The following DCLK1 variants were observed in gnomAD, a reference collection of about 807,000 sequenced individuals.
DCLK1 encodes doublecortin like kinase 1.
A neutral mutation model predicts 86.2 loss-of-function variants in DCLK1; 16 were observed. That is an observed-to-expected ratio of 0.19 (90% CI 0.13 to 0.28). DCLK1 has a LOEUF of 0.28. Ranked by LOEUF, DCLK1 falls within the 10% of genes least tolerant of loss-of-function variation. The probability of loss-of-function intolerance (pLI) is 1.00; values close to 1 mark genes in which losing one functional copy is unlikely to be tolerated. For synonymous variants in DCLK1, 369 were observed against 370.5 expected (o/e 1.00, Z 0.05); for missense variants, 590 against 940.2 (o/e 0.63, Z 4.87).
intron 16 of DCLK1, among the ~76,000 whole-genome samples, chr13:35,782,814 C>G (rs918526028): frequency 6.6e-6 from 1 of 152,222 alleles, no homozygotes; most frequent in Admixed American, 6.5e-5. Context: ...TTAATTTAGA[C>G]ATATTTTCCC....
chr13:35,982,251 G>A (rs1055311566), intron 3 of DCLK1, among the ~76,000 whole-genome samples: 4 of 151,894 alleles, frequency 2.6e-5, no homozygotes, highest in East Asian at 1.9e-4. Flanking sequence ...CTGGTGGCAC[G>A]TGCCTGTAAT....
intron 4 of DCLK1, among the ~76,000 whole-genome samples, chr13:35,926,948 C>A (rs915037529): frequency 8.5e-5 from 13 of 152,206 alleles, no homozygotes; most frequent in African/African-American, 2.9e-4. Flanking sequence ...AATGGTGCAA[C>A]TTCACATAAT....
intron 3 of DCLK1, among the ~76,000 whole-genome samples, chr13:36,064,376 G>A (rs1349218744): frequency 6.6e-6 from 1 of 152,158 alleles, no homozygotes; most frequent in Non-Finnish European, 1.5e-5. Flanking sequence ...AAAGTAGGGG[G>A]TGGCGTGGGC....
intron 8 of DCLK1, among the ~76,000 whole-genome samples, chr13:35,830,962 G>A (rs1048370702): frequency 6.6e-6 from 1 of 152,132 alleles, no homozygotes; most frequent in African/African-American, 2.4e-5. Context: ...GAGCACAGGA[G>A]GGCTGAACCC....
chr13:35,822,520 T>C (rs1242566753), intron 11 of DCLK1, among the ~76,000 whole-genome samples: 1 of 152,188 alleles, frequency 6.6e-6, no homozygotes, highest in Non-Finnish European at 1.5e-5. Context: ...GCCTGGTTTT[T>C]GTTTGCTAAT....
intron 3 of DCLK1, among the ~76,000 whole-genome samples, chr13:36,050,802 C>A (rs1329539280): frequency 6.6e-6 from 1 of 152,092 alleles, no homozygotes; most frequent in Non-Finnish European, 1.5e-5. Flanking sequence ...TGAGTGTGAG[C>A]GTCTTCTCCA....
intron 15 of DCLK1, chr13:35,805,304 T>G (rs572372376): frequency 2.9e-4 from 50 of 174,136 alleles, no homozygotes; most frequent in Non-Finnish European, 3.3e-4. Context: ...AACACTTTTT[T>G]CTTTTTTTTT....
intron 4 of DCLK1, among the ~76,000 whole-genome samples, chr13:35,915,605 T>C (rs1875358135): frequency 6.6e-6 from 1 of 152,152 alleles, no homozygotes; most frequent in Non-Finnish European, 1.5e-5. Flanking sequence ...CTAAGGAGGC[T>C]GAGGTGGGAG....
rs569444531 is a variant in DCLK1 at position 35,982,743 on chromosome 13, T to C, written c.724-35286A>G. Among the ~76,000 whole-genome samples the C allele has an allele frequency of 2.0e-5, 3 of 152,016 alleles. 1 individual carries two copies. The highest frequency in any genetic ancestry group is 3.9e-4 in the East Asian group (2 of 5,188). On this transcript the variant is annotated intron_variant, in intron 3 of 16. Coordinates refer to ENST00000360631, the MANE Select transcript of DCLK1 (RefSeq NM_001330071.2). ...AATGATTAGGAAGGTTCAAAGTCCA[T>C]TGATTAGTGTGAATTGCTTTTTTTT...
At chr13:35,984,449 C>T (rs2153142247) in intron 3 of DCLK1, among the ~76,000 whole-genome samples, 1 of 152,274 alleles carries the variant, frequency 6.6e-6, no homozygotes, top group Admixed American at 6.5e-5. Context: ...CCCAGAAAAC[C>T]CTGCAGTGGG....
At chr13:35,797,269 C>A (rs1234242309) in intron 15 of DCLK1, among the ~76,000 whole-genome samples, 1 of 152,176 alleles carries the variant, frequency 6.6e-6, no homozygotes, top group African/African-American at 2.4e-5. Flanking sequence ...TGCTGAATAA[C>A]CCCACCTTCT....
chr13:36,001,286 G>T (rs537465868), intron 3 of DCLK1, among the ~76,000 whole-genome samples: 1 of 152,168 alleles, frequency 6.6e-6, no homozygotes, highest in Admixed American at 6.5e-5. Context: ...AAAACACAAG[G>T]TTGAAAGAAA....
intron 3 of DCLK1, among the ~76,000 whole-genome samples, chr13:36,076,053 T>C (rs960055116): frequency 7.9e-5 from 12 of 152,172 alleles, no homozygotes; most frequent in African/African-American, 2.7e-4. Context: ...GTCTTCTTGA[T>C]CCTTCCTTCA....
intron 4 of DCLK1, among the ~76,000 whole-genome samples, chr13:35,907,931 A>G (rs1275019177): frequency 6.6e-6 from 1 of 151,550 alleles, no homozygotes; most frequent in African/African-American, 2.4e-5. Flanking sequence ...TTATTATTAT[A>G]TAAATTATCT....
intron 3 of DCLK1, among the ~76,000 whole-genome samples, chr13:36,007,486 T>C (rs1881030014): frequency 6.6e-6 from 1 of 152,180 alleles, no homozygotes; most frequent in Admixed American, 6.5e-5. Context: ...CCTTGGAGAA[T>C]CCTCAAAATA....
intron 3 of DCLK1, among the ~76,000 whole-genome samples, chr13:36,063,836 A>G (rs1368439067): frequency 6.6e-6 from 1 of 152,206 alleles, no homozygotes; most frequent in Non-Finnish European, 1.5e-5. Flanking sequence ...CTCAGTTCCT[A>G]GTACTCAGCT....
intron 1 of DCLK1, 63 bp from the exon 2 acceptor site, chr13:36,126,219 T>A (rs55712539): frequency 0.011 from 13,926 of 1,236,920 alleles, 112 homozygotes; most frequent in African/African-American, 0.058. Flanking sequence ...ATATATATAT[T>A]TTTTTGTTTT....
intron 3 of DCLK1, among the ~76,000 whole-genome samples, chr13:36,052,862 C>T (rs1412954531): frequency 6.6e-6 from 1 of 152,134 alleles, no homozygotes; most frequent in African/African-American, 2.4e-5. Flanking sequence ...AAACCACACT[C>T]CCCACCCAAA....
chr13:35,815,388 G>T (rs1189273354), intron 11 of DCLK1, among the ~76,000 whole-genome samples: 1 of 152,190 alleles, frequency 6.6e-6, no homozygotes, highest in Non-Finnish European at 1.5e-5. Context: ...GGCACTAAAA[G>T]CTGACTAATG....
Sources: gnomAD v4.1 joint callset for allele counts (sites outside exome capture counted in the v4.1 genomes callset) on GRCh38, gnomAD v4.1.1 for gene constraint, MANE v1.5 for transcripts, NCBI Gene and HGNC (gene_info 2026-07-23, HGNC 2026-07-21) for gene names.